The following THSD7B variants were observed in gnomAD, a reference collection of about 807,000 sequenced individuals.
THSD7B encodes thrombospondin type-1 domain-containing protein 7B.
A neutral mutation model predicts 213.6 loss-of-function variants in THSD7B; 138 were observed. That is an observed-to-expected ratio of 0.65 (90% CI 0.56 to 0.74). The LOEUF is 0.74. THSD7B is among the 30% of genes least tolerant of loss of function. THSD7B has a pLI of 0.00. For missense variants in THSD7B, 1,931 were observed against 1,991.5 expected (o/e 0.97, Z 0.58); for synonymous variants, 742 against 687.0 (o/e 1.08, Z -1.25).
At chr2:136,861,000 C>T (rs1166972778) in intron 1 of THSD7B, among the ~76,000 whole-genome samples, 4 of 152,196 alleles carry the variant, frequency 2.6e-5, no homozygotes, top group Non-Finnish European at 5.9e-5. Context: ...AGCTGCGTAG[C>T]TCACTTCTAA....
chr2:137,660,589 A>C (rs1160247117), intron 25 of THSD7B, among the ~76,000 whole-genome samples: 1 of 152,206 alleles, frequency 6.6e-6, no homozygotes, highest in Non-Finnish European at 1.5e-5. Flanking sequence ...ATGTTTAAAA[A>C]GTAGAAATTG....
rs34357255 is a variant in THSD7B at position 137,195,251 on chromosome 2, T to TATATATAC, written c.1723+24314_1723+24315insTATATACA. Among the ~76,000 whole-genome samples, 251 of 150,094 alleles carry TATATATAC rather than the reference T, an allele frequency of 1.7e-3. 1 individual carries two copies. Among genetic ancestry groups the TATATATAC allele is most frequent in the African/African-American group, 5.2e-3 (211 of 40,946 alleles). ...GTATGTGTGTATATATATATATATA[T>TATATATAC]ACACACACACACACGTGTTTCTATA... On this transcript the variant is annotated intron_variant, in intron 7 of 27. Transcript: ENST00000409968.
At chr2:137,252,306 C>T (rs1448250816) in intron 10 of THSD7B, among the ~76,000 whole-genome samples, 2 of 133,944 alleles carry the variant, frequency 1.5e-5, no homozygotes, top group Non-Finnish European at 1.6e-5. Context: ...GGTTGGGGGG[C>T]TTGATGGGAA....
chr2:137,587,818 C>T (rs1015253343), intron 17 of THSD7B, among the ~76,000 whole-genome samples: 9 of 152,182 alleles, frequency 5.9e-5, no homozygotes, highest in Admixed American at 2.0e-4. Flanking sequence ...GTCCATTCTC[C>T]GATCTCAAAC....
intron 1 of THSD7B, among the ~76,000 whole-genome samples, chr2:136,873,372 G>A (rs1683473625): frequency 6.6e-6 from 1 of 152,158 alleles, no homozygotes; most frequent in African/African-American, 2.4e-5. Flanking sequence ...GTCATGCTGA[G>A]GTCTGCAGAG....
chr2:136,824,434 G>T (rs1682610718), intron 1 of THSD7B, among the ~76,000 whole-genome samples: 1 of 151,970 alleles, frequency 6.6e-6, no homozygotes, highest in Non-Finnish European at 1.5e-5. Context: ...AGGAAGCTCA[G>T]TTTTGGATGC....
Position 137,411,539 on chromosome 2 carries a change from A to C in THSD7B, c.2696-70A>C. On this transcript the variant is annotated intron_variant, in intron 13 of 27. Transcript: ENST00000409968. ...TAATATTCTAAAAGATTACAAATAC[A>C]AAAGTGTGAGTGACTTTTAACAAAA... is the stretch of plus-strand genomic sequence containing the variant. 2 of 1,399,348 alleles carry C rather than the reference A, an allele frequency of 1.4e-6. 1 individual carries two copies. The highest frequency in any genetic ancestry group is 2.0e-6 in the Non-Finnish European group (2 of 1,025,076). 86.7% of individuals were successfully genotyped at this position (1,399,348 alleles called of 1,614,324 possible).
intron 12 of THSD7B, among the ~76,000 whole-genome samples, chr2:137,301,078 A>G (rs1204266505): frequency 6.6e-6 from 1 of 152,132 alleles, no homozygotes; most frequent in Non-Finnish European, 1.5e-5. Context: ...ATTGTAATCC[A>G]TAAAGCAATA....
intron 12 of THSD7B, among the ~76,000 whole-genome samples, chr2:137,393,595 A>G (rs1686098511): frequency 6.8e-6 from 1 of 146,612 alleles, no homozygotes; most frequent in Non-Finnish European, 1.5e-5. Flanking sequence ...AGTCTTTGCT[A>G]TTGTGAATAA....
chr2:137,237,876 C>G (rs1381205893), intron 9 of THSD7B, among the ~76,000 whole-genome samples: 1 of 152,160 alleles, frequency 6.6e-6, no homozygotes, highest in Admixed American at 6.5e-5. Flanking sequence ...ATTTCCATTG[C>G]AACAAAATAT....
intron 12 of THSD7B, among the ~76,000 whole-genome samples, chr2:137,346,778 T>A (rs569830305): frequency 6.6e-6 from 1 of 151,842 alleles, no homozygotes; most frequent in South Asian, 2.1e-4. Flanking sequence ...ATGCAATTAT[T>A]TTATGTTTGT....
intron 12 of THSD7B, among the ~76,000 whole-genome samples, chr2:137,374,160 G>T (rs186520889): frequency 6.6e-6 from 1 of 151,980 alleles, no homozygotes; most frequent in African/African-American, 2.4e-5. Context: ...AGGGGAGGGA[G>T]GGAGGGAGAG....
chr2:137,267,906 A>G (rs1482743941), intron 10 of THSD7B, among the ~76,000 whole-genome samples: 5 of 152,198 alleles, frequency 3.3e-5, no homozygotes, highest in Admixed American at 6.5e-5. Context: ...TTCAGTGGAA[A>G]AGGAGGTGTT....
chr2:137,586,077 T>A (rs897253225), intron 17 of THSD7B, among the ~76,000 whole-genome samples: 1 of 152,156 alleles, frequency 6.6e-6, no homozygotes, highest in Non-Finnish European at 1.5e-5. Flanking sequence ...TTGATCCCTT[T>A]ACCATTATGT....
At position 137,395,251 on chromosome 2, in the gene THSD7B, G is replaced by A. The variant is rs554127264; in HGVS notation, c.2501-10362G>A. Among the ~76,000 whole-genome samples the A allele has an allele frequency of 2.9e-4, 42 of 146,592 alleles. No individual in the cohort carries two copies. In the East Asian group the frequency reaches 7.6e-3, roughly 27 times the overall value. The stretch of plus-strand genomic sequence containing the variant: ...TCCCTGTCTTTTGCCAGTTTTCAAA[G>A]GGAATGCTTCCAGTTTTTGCCCATT... On this transcript the variant is annotated intron_variant, in intron 12 of 27. Coordinates refer to ENST00000409968, the MANE Select transcript of THSD7B (RefSeq NM_001316349.2).
chr2:136,857,942 T>C, intron 1 of THSD7B, among the ~76,000 whole-genome samples: 1 of 152,246 alleles, frequency 6.6e-6, no homozygotes, highest in East Asian at 1.9e-4. Flanking sequence ...CTCCTCTGTC[T>C]ACTACCCACT....
intron 12 of THSD7B, among the ~76,000 whole-genome samples, chr2:137,381,460 G>C (rs1010454005): frequency 6.6e-6 from 1 of 152,178 alleles, no homozygotes; most frequent in Non-Finnish European, 1.5e-5. Context: ...AAGCTTCTGT[G>C]AATGGGGACC....
chr2:137,440,321 C>A (rs1687376644), intron 14 of THSD7B, among the ~76,000 whole-genome samples: 1 of 152,068 alleles, frequency 6.6e-6, no homozygotes, highest in Non-Finnish European at 1.5e-5. Flanking sequence ...TAGAGTCTGG[C>A]TCCTTTTGAA....
At chr2:136,777,731 A>T (rs2104903516) in intron 1 of THSD7B, among the ~76,000 whole-genome samples, 1 of 152,342 alleles carries the variant, frequency 6.6e-6, no homozygotes. Context: ...ATACTTGGCC[A>T]AAAAGAATAG....
Sources: gnomAD v4.1 joint callset for allele counts (sites outside exome capture counted in the v4.1 genomes callset) on GRCh38, gnomAD v4.1.1 for gene constraint, MANE v1.5 for transcripts, NCBI Gene and HGNC (gene_info 2026-07-23, HGNC 2026-07-21) for gene names.